POLR2B: variants seen among roughly 807,000 people sequenced by gnomAD.
POLR2B encodes the protein DNA-directed RNA polymerase II subunit RPB2.
A neutral mutation model predicts 144.6 loss-of-function variants in POLR2B; 57 were observed. That is an observed-to-expected ratio of 0.39 (90% confidence interval 0.32 to 0.49). POLR2B has a LOEUF of 0.49. POLR2B is among the 20% of genes least tolerant of loss of function. POLR2B has a pLI of 0.83. For synonymous variants in POLR2B, 442 were observed against 469.8 expected (o/e 0.94, Z 0.77); for missense variants, 595 against 1,467.4 (o/e 0.41, Z 9.71).
intron 9 of POLR2B, 74 bp downstream of exon 9, chr4:57,005,793 A>G (rs1383334510): frequency 7.2e-7 from 1 of 1,381,448 alleles, no homozygotes; most frequent in East Asian, 2.3e-5. Context: ...GCATATGGCC[A>G]GGCTAAACTG....
intron 23 of POLR2B, among the ~76,000 whole-genome samples, chr4:57,026,427 A>T (rs1227166187): frequency 6.6e-6 from 1 of 151,858 alleles, no homozygotes; most frequent in African/African-American, 2.4e-5. Flanking sequence ...TCTCCTATAA[A>T]TTTTTCAGTG....
chr4:56,999,499 G>A (rs1722792134), intron 6 of POLR2B, 118 bp from the exon 7 acceptor site: 2 of 570,932 alleles, frequency 3.5e-6, no homozygotes, highest in Non-Finnish European at 5.7e-6. Flanking sequence ...GTATTGGGAG[G>A]CGTGCTTCTT....
At position 57,005,665 on chromosome 4, in the gene POLR2B, A is replaced by G. The variant is rs1722998290; in HGVS notation, c.1163A>G (p.Tyr388Cys). The change falls in exon 9 of 25, where the codon TAT becomes TGT. Residue 388 changes from tyrosine (Y) to cysteine (C), a missense_variant. By Grantham distance (194) the Tyr-to-Cys change is radical. This residue lies in a region of POLR2B where 251 missense variants were observed against 567.3 expected (regional missense o/e 0.44). Coordinates refer to ENST00000314595, the MANE Select transcript of POLR2B (RefSeq NM_000938.3). ...GRRELDDRDH[Y>C]GNKRLDLAGP... ...AGAGAACTAGATGACAGAGATCACT[A>G]TGGAAACAAGAGATTGGATCTTGCT... 4 of 1,612,528 alleles carry G rather than the reference A, an allele frequency of 2.5e-6. No individual in the cohort carries two copies. Among genetic ancestry groups the G allele is most frequent in the South Asian group, 1.1e-5 (1 of 91,052 alleles).
intron 7 of POLR2B, among the ~76,000 whole-genome samples, chr4:57,004,463 C>T (rs1196389748): frequency 1.3e-5 from 2 of 151,680 alleles, no homozygotes; most frequent in East Asian, 1.9e-4. Flanking sequence ...AACTCCTGGA[C>T]TCAAGCCATC....
At chr4:56,999,081 A>C (rs1400440322) in intron 6 of POLR2B, among the ~76,000 whole-genome samples, 2 of 152,042 alleles carry the variant, frequency 1.3e-5, no homozygotes, top group Non-Finnish European at 2.9e-5. Context: ...TGGAAAAAAG[A>C]AGCTGTGTGA....
intron 5 of POLR2B, 30 bp from the exon 6 acceptor site, chr4:56,995,221 A>G (rs750157896): frequency 1.3e-6 from 2 of 1,555,604 alleles, no homozygotes; most frequent in South Asian, 1.2e-5. Context: ...TTTGGATTTT[A>G]TGGCTGTAAC....
intron 7 of POLR2B, among the ~76,000 whole-genome samples, chr4:57,004,731 C>T (rs1317117840): frequency 6.6e-6 from 1 of 152,150 alleles, no homozygotes; most frequent in Admixed American, 6.5e-5. Context: ...GTCACCCAGG[C>T]TGGAGTGCAA....
chr4:57,014,479 G>A (rs560009212), intron 13 of POLR2B, among the ~76,000 whole-genome samples: 2 of 148,908 alleles, frequency 1.3e-5, no homozygotes, highest in Admixed American at 1.4e-4. Flanking sequence ...ACTGGCATGA[G>A]CCACCGTGCC....
rs1307569188 is a variant in POLR2B at position 57,006,933 on chromosome 4, A to G, written c.1335A>G (p.Lys445=). 2 of 1,613,912 alleles carry G rather than the reference A, an allele frequency of 1.2e-6. No homozygotes were observed. Among genetic ancestry groups the G allele is most frequent in the South Asian group, 1.1e-5 (1 of 91,084 alleles). ...IKTRIISDGL[K]YSLATGNWGD... ...CACGGATCATATCTGATGGCCTAAA[A>G]TACTCTTTAGCTACTGGAAACTGGG... The change falls in exon 10 of 25, where the codon AAA becomes AAG. Residue 445 remains lysine, a synonymous_variant. Transcript: ENST00000314595.
chr4:57,006,155 T>C (rs1723011578), intron 9 of POLR2B, among the ~76,000 whole-genome samples: 1 of 152,216 alleles, frequency 6.6e-6, no homozygotes, highest in South Asian at 2.1e-4. Flanking sequence ...TTTTCTATAA[T>C]TGGAAAAAAG....
At chr4:57,018,417 C>T (rs1578587283) in intron 16 of POLR2B, among the ~76,000 whole-genome samples, 1 of 151,970 alleles carries the variant, frequency 6.6e-6, no homozygotes, top group East Asian at 1.9e-4. Flanking sequence ...CTTGATAGGA[C>T]TTGATGACTG....
rs970710722 is a variant in POLR2B, at chr4:56,998,418, A to G, written c.736-1199A>G. Among the ~76,000 whole-genome samples, 6 of 152,312 alleles carry G rather than the reference A, an allele frequency of 3.9e-5. No homozygotes were observed. The East Asian group carries it at 1.2e-3, about 29-fold the overall frequency. On this transcript the variant is annotated intron_variant, in intron 6 of 24. Coordinates refer to ENST00000314595, the MANE Select transcript of POLR2B (RefSeq NM_000938.3). ...CACCATGTTAGCCAGGCTGATCTCG[A>G]ACTCCCAACCTCTGGTGATCCACCC...
At chr4:56,997,270 T>G (rs1048110237) in intron 6 of POLR2B, among the ~76,000 whole-genome samples, 1 of 151,794 alleles carries the variant, frequency 6.6e-6, no homozygotes, top group African/African-American at 2.4e-5. Flanking sequence ...TTTTTTTTTT[T>G]TTTTCTGAGA....
intron 21 of POLR2B, among the ~76,000 whole-genome samples, chr4:57,024,321 C>T (rs908808167): frequency 1.1e-4 from 4 of 35,572 alleles, no homozygotes; most frequent in African/African-American, 4.2e-4. Flanking sequence ...AGATATACTA[C>T]ATTCAACTAA....
chr4:56,979,719 G>A (rs1007167407), intron 1 of POLR2B, among the ~76,000 whole-genome samples: 1 of 151,954 alleles, frequency 6.6e-6, no homozygotes, highest in African/African-American at 2.4e-5. Context: ...ACAAACATGG[G>A]GAAATCCTGT....
At chr4:57,030,429 T>A (rs1486094186) in intron 24 of POLR2B, 30 bp downstream of exon 24, 3 of 1,529,502 alleles carry the variant, frequency 2.0e-6, no homozygotes, top group East Asian at 4.5e-5. Flanking sequence ...GCAGTTGATA[T>A]TTGTTTAGAG....
rs762033737 is a variant in POLR2B at position 57,025,034 on chromosome 4, G to T, written c.3078+35G>T. The T allele has an allele frequency of 2.6e-5, 25 of 948,330 alleles. 1 individual carries two copies. The East Asian group carries it at 5.4e-4, about 21-fold the overall frequency. 58.7% of individuals were successfully genotyped at this position (948,330 alleles called of 1,614,324 possible). ...CTCTTATAGTAGTAATTTGCCACTT[G>T]TTTTTTTTTGTATGTGTGTAGTTTT... On this transcript the variant is annotated intron_variant, in intron 22 of 24. Coordinates refer to ENST00000314595, the MANE Select transcript of POLR2B (RefSeq NM_000938.3).
At chr4:56,980,518 T>TC (rs1722125165) in intron 1 of POLR2B, among the ~76,000 whole-genome samples, 2 of 152,020 alleles carry the variant, frequency 1.3e-5, no homozygotes, top group Non-Finnish European at 2.9e-5. Context: ...GCTCAGGAGT[T>TC]CGAGAGCAGC....
At chr4:57,016,468 G>A (rs568101280) in intron 14 of POLR2B, among the ~76,000 whole-genome samples, 2 of 151,914 alleles carry the variant, frequency 1.3e-5, no homozygotes, top group East Asian at 1.9e-4. Context: ...TTGAGCCCAG[G>A]AGTAGTGAGT....
Sources: gnomAD v4.1 joint callset for allele counts (sites outside exome capture counted in the v4.1 genomes callset) on GRCh38, gnomAD v4.1.1 for gene constraint, gnomAD v4.1.1 regional missense constraint, MANE v1.5 for transcripts, NCBI Gene and HGNC (gene_info 2026-07-23, HGNC 2026-07-21) for gene names.